PRKG1: variants seen among roughly 807,000 people sequenced by gnomAD.
PRKG1 encodes cGMP-dependent protein kinase 1.
Under a neutral mutation model 88.1 loss-of-function variants are expected in PRKG1, and 35 were observed. The ratio of observed to expected loss-of-function variants is 0.40; its 90% CI spans 0.30 to 0.53. The LOEUF (loss-of-function observed/expected upper bound fraction) is 0.53, where lower values mean the gene tolerates loss of function less well. Ranked by LOEUF, PRKG1 falls within the 20% of genes least tolerant of loss-of-function variation. PRKG1 has a pLI of 0.59. For missense variants in PRKG1, 540 were observed against 839.8 expected (o/e 0.64, Z 4.41); for synonymous variants, 303 against 292.5 (o/e 1.04, Z -0.37).
intron 7 of PRKG1, among the ~76,000 whole-genome samples, chr10:52,076,843 G>A (rs540726133): frequency 6.6e-6 from 1 of 152,280 alleles, no homozygotes; most frequent in African/African-American, 2.4e-5. Flanking sequence ...GTCTCAACGT[G>A]ATTAGTCATT....
In PRKG1 at chr10:52,127,033, C is replaced by T. The variant is rs942986807; in HGVS notation, c.936-6807C>T. Among the ~76,000 whole-genome samples, 4 of 151,976 alleles carry T rather than the reference C, an allele frequency of 2.6e-5. No homozygotes were observed. The East Asian group carries it at 5.8e-4, about 22-fold the overall frequency. ...GATTAGAAGGGGGAGAGAGTAGAGG[C>T]GAGGGGATCACTTAGGAGGCCAGAT... is the stretch of plus-strand genomic sequence containing the variant. On this transcript the variant is annotated intron_variant, in intron 7 of 17. Coordinates refer to ENST00000373980, the MANE Select transcript of PRKG1 (RefSeq NM_006258.4).
chr10:51,044,107 A>G, intron 1 of PRKG1, among the ~76,000 whole-genome samples: 1 of 152,202 alleles, frequency 6.6e-6, no homozygotes, highest in East Asian at 1.9e-4. Context: ...AGTACAGGTG[A>G]CAGACATTAA....
At chr10:52,002,628 T>A (rs1262108232) in intron 5 of PRKG1, among the ~76,000 whole-genome samples, 6 of 152,172 alleles carry the variant, frequency 3.9e-5, no homozygotes, top group Non-Finnish European at 7.4e-5. Context: ...ATATTACTAA[T>A]TATTGAGTGG....
chr10:51,525,149 AAGG>A (rs931724597), intron 3 of PRKG1, among the ~76,000 whole-genome samples: 22 of 151,084 alleles, frequency 1.5e-4, no homozygotes, highest in South Asian at 1.3e-3. Context: ...AGAGAGAGAG[AAGG>A]AGGAGGAGGA....
chr10:51,306,862 C>T (rs1196042063), intron 2 of PRKG1, among the ~76,000 whole-genome samples: 1 of 152,162 alleles, frequency 6.6e-6, no homozygotes, highest in Non-Finnish European at 1.5e-5. Context: ...AGAATATCTC[C>T]ATTTATCCAT....
chr10:52,126,886 C>T (rs765736868), intron 7 of PRKG1, among the ~76,000 whole-genome samples: 2 of 152,132 alleles, frequency 1.3e-5, no homozygotes, highest in African/African-American at 4.8e-5. Context: ...AGTTGGAGGA[C>T]CTCTAACTAT....
intron 2 of PRKG1, among the ~76,000 whole-genome samples, chr10:51,186,571 G>T (rs1837492251): frequency 6.6e-6 from 1 of 152,000 alleles, no homozygotes; most frequent in Non-Finnish European, 1.5e-5. Context: ...TCGGGGTGGG[G>T]AGTTGAGGGA....
At chr10:51,711,582 C>G (rs116988688) in intron 3 of PRKG1, among the ~76,000 whole-genome samples, 1 of 152,150 alleles carries the variant, frequency 6.6e-6, no homozygotes, top group Non-Finnish European at 1.5e-5. Flanking sequence ...TTGCACCATA[C>G]GAAACTGAAG....
At chr10:51,638,650 A>C (rs1839718177) in intron 3 of PRKG1, among the ~76,000 whole-genome samples, 1 of 152,190 alleles carries the variant, frequency 6.6e-6, no homozygotes, top group Non-Finnish European at 1.5e-5. Flanking sequence ...TATAATATGG[A>C]ATATAAAGCA....
At chr10:51,948,200 G>A (rs1017355138) in intron 5 of PRKG1, among the ~76,000 whole-genome samples, 9 of 152,142 alleles carry the variant, frequency 5.9e-5, no homozygotes, top group Middle Eastern at 6.8e-3. Context: ...TATTTCAGGA[G>A]TTTCATGTAC....
intron 3 of PRKG1, among the ~76,000 whole-genome samples, chr10:51,668,676 G>A (rs1413660214): frequency 1.3e-5 from 2 of 151,846 alleles, no homozygotes; most frequent in African/African-American, 4.8e-5. Flanking sequence ...TTTGTAACTG[G>A]TATGAATCTT....
chr10:51,812,736 G>C (rs757271803), intron 4 of PRKG1, among the ~76,000 whole-genome samples: 6 of 152,114 alleles, frequency 3.9e-5, no homozygotes, highest in Non-Finnish European at 5.9e-5. Flanking sequence ...TTGTTGCACA[G>C]AATAAGAGAA....
At chr10:51,859,104 T>C (rs1473738770) in intron 4 of PRKG1, among the ~76,000 whole-genome samples, 3 of 152,224 alleles carry the variant, frequency 2.0e-5, no homozygotes, top group East Asian at 3.9e-4. Context: ...AGATGTTGAA[T>C]TGGGGATTTG....
chr10:52,063,773 A>G (rs565253796), intron 7 of PRKG1, among the ~76,000 whole-genome samples: 9 of 152,044 alleles, frequency 5.9e-5, no homozygotes, highest in Admixed American at 1.3e-4. Context: ...GGTCGTCCCA[A>G]TGAGTGTTCA....
At chr10:51,107,987 C>T (rs759780776) in intron 1 of PRKG1, among the ~76,000 whole-genome samples, 7 of 152,092 alleles carry the variant, frequency 4.6e-5, no homozygotes, top group Admixed American at 2.0e-4. Context: ...ATACATTTTA[C>T]ATGAAATTTA....
chr10:51,690,354 GA>G (rs200315493), intron 3 of PRKG1, among the ~76,000 whole-genome samples: 4,381 of 152,168 alleles, frequency 0.029, 177 homozygotes, highest in African/African-American at 0.097. Flanking sequence ...GGCTATATAG[GA>G]CACATAAGGA....
intron 2 of PRKG1, among the ~76,000 whole-genome samples, chr10:51,437,000 G>T (rs904508829): frequency 7.9e-5 from 12 of 151,998 alleles, no homozygotes; most frequent in Non-Finnish European, 1.8e-4. Context: ...TTTAGACTGT[G>T]CCATAATTGC....
At chr10:51,813,207 T>A (rs953160555) in intron 4 of PRKG1, among the ~76,000 whole-genome samples, 1 of 152,112 alleles carries the variant, frequency 6.6e-6, no homozygotes, top group African/African-American at 2.4e-5. Flanking sequence ...TAATAAGCCA[T>A]TAGCAAAAAA....
At chr10:51,753,451 A>T (rs1006258216) in intron 3 of PRKG1, among the ~76,000 whole-genome samples, 3 of 152,190 alleles carry the variant, frequency 2.0e-5, no homozygotes, top group Non-Finnish European at 4.4e-5. Flanking sequence ...ATTGTTAAAA[A>T]TGAAGACACT....
Sources: allele counts gnomAD v4.1 joint callset (sites outside exome capture counted in the v4.1 genomes callset), GRCh38; gene constraint gnomAD v4.1.1; transcripts MANE v1.5; gene names NCBI Gene and HGNC (gene_info 2026-07-23, HGNC 2026-07-21).